The following IGSF21 variants were observed in gnomAD, a reference collection of about 807,000 sequenced individuals.
The protein encoded by IGSF21 is immunoglobulin superfamily member 21.
In IGSF21, 28 loss-of-function variants were observed where a neutral mutation model predicts 46.8. The ratio of observed to expected loss-of-function variants is 0.60; its 90% CI spans 0.44 to 0.82. The LOEUF (loss-of-function observed/expected upper bound fraction) is 0.82. Ranked by LOEUF, IGSF21 falls within the 40% of genes least tolerant of loss-of-function variation. The pLI, the probability that IGSF21 is intolerant of heterozygous loss-of-function variation, is 0.00. For synonymous variants in IGSF21, 284 were observed against 273.6 expected (o/e 1.04, Z -0.38); for missense variants, 624 against 665.5 (o/e 0.94, Z 0.69).
rs116280653 is a variant in IGSF21 at position 18,205,902 on chromosome 1, T to G, written c.71-21996T>G. On this transcript the variant is annotated intron_variant, in intron 1 of 9. Coordinates refer to ENST00000251296, the MANE Select transcript of IGSF21 (RefSeq NM_032880.5). Reference sequence around the variant, plus strand: ...AGAATGGTTGGGTTGATGTGTCATTTTCAAGAAGCAGTAGAAAGCACTTAA... The same window carrying G: ...AGAATGGTTGGGTTGATGTGTCATTGTCAAGAAGCAGTAGAAAGCACTTAA... Among the ~76,000 whole-genome samples the G allele has an allele frequency of 2.4e-3, 361 of 152,332 alleles. 2 individuals are homozygous for G. Among genetic ancestry groups the G allele is most frequent in the African/African-American group, 8.0e-3 (332 of 41,572 alleles).
At position 18,348,537 on chromosome 1, in the gene IGSF21, TC is replaced by T. The variant is rs1394903801; in HGVS notation, c.424+13530del. On this transcript the variant is annotated intron_variant, in intron 4 of 9. Coordinates refer to ENST00000251296, the MANE Select transcript of IGSF21 (RefSeq NM_032880.5). ...GCTCCAGCAGAAGGTAAACTTCCCCTCCCTGGAACAGGCCCTTTAATTACTA... is the reference window on the plus strand; with the variant it reads ...GCTCCAGCAGAAGGTAAACTTCCCCTCCTGGAACAGGCCCTTTAATTACTA... Among the ~76,000 whole-genome samples the T allele has an allele frequency of 4.6e-5, 7 of 152,310 alleles. No homozygotes were observed. The East Asian group carries it at 1.4e-3, about 29-fold the overall frequency.
intron 1 of IGSF21, among the ~76,000 whole-genome samples, chr1:18,129,727 G>T (rs1028800662): frequency 6.6e-6 from 1 of 152,172 alleles, no homozygotes; most frequent in Non-Finnish European, 1.5e-5. Context: ...GTTGTGATTT[G>T]AATGTCTGTC....
intron 2 of IGSF21, among the ~76,000 whole-genome samples, chr1:18,280,099 G>T (rs1278533718): frequency 6.6e-6 from 1 of 152,192 alleles, no homozygotes; most frequent in Non-Finnish European, 1.5e-5. Flanking sequence ...GGCAGCCCGG[G>T]GGGTGACACG....
At chr1:18,253,430 C>T (rs1253133099) in intron 2 of IGSF21, among the ~76,000 whole-genome samples, 1 of 152,230 alleles carries the variant, frequency 6.6e-6, no homozygotes, top group Non-Finnish European at 1.5e-5. Flanking sequence ...TGGGCCACAG[C>T]CCATCAGCCT....
chr1:18,187,882 C>T (rs76744588), intron 1 of IGSF21, among the ~76,000 whole-genome samples: 2,229 of 152,112 alleles, frequency 0.015, 50 homozygotes, highest in African/African-American at 0.05. Flanking sequence ...TGGTAGTAAG[C>T]GGACACTCAG....
intron 1 of IGSF21, among the ~76,000 whole-genome samples, chr1:18,169,070 A>G (rs2124455832): frequency 6.6e-6 from 1 of 152,338 alleles, no homozygotes. Context: ...CTCACCTAGG[A>G]GCACCCACTT....
chr1:18,360,883 C>T (rs1328496363), intron 4 of IGSF21, among the ~76,000 whole-genome samples: 1 of 152,186 alleles, frequency 6.6e-6, no homozygotes, highest in Non-Finnish European at 1.5e-5. Context: ...GTTTTGGTGA[C>T]TTGCCCAAGC....
At chr1:18,330,801 G>C (rs958269057) in intron 3 of IGSF21, among the ~76,000 whole-genome samples, 1 of 152,152 alleles carries the variant, frequency 6.6e-6, no homozygotes, top group African/African-American at 2.4e-5. Flanking sequence ...GCAGCTTAAG[G>C]TTCACAGCAA....
chr1:18,262,929 G>A (rs2084959262), intron 2 of IGSF21, among the ~76,000 whole-genome samples: 1 of 152,226 alleles, frequency 6.6e-6, no homozygotes, highest in South Asian at 2.1e-4. Flanking sequence ...GGAATGGAAT[G>A]CATTGGCCGC....
chr1:18,191,133 C>A (rs1239863983), intron 1 of IGSF21, among the ~76,000 whole-genome samples: 1 of 152,180 alleles, frequency 6.6e-6, no homozygotes, highest in East Asian at 1.9e-4. Context: ...TCAGTGGCCC[C>A]CTCACCCATT....
At chr1:18,267,707 T>G (rs1569675613) in intron 2 of IGSF21, among the ~76,000 whole-genome samples, 2 of 152,326 alleles carry the variant, frequency 1.3e-5, no homozygotes, top group Middle Eastern at 3.4e-3. Context: ...GCTGCTTTCC[T>G]TGGACCATGC....
intron 1 of IGSF21, among the ~76,000 whole-genome samples, chr1:18,189,913 C>T (rs2086938580): frequency 6.6e-6 from 1 of 152,172 alleles, no homozygotes; most frequent in Admixed American, 6.5e-5. Context: ...TTTGGTTGGC[C>T]CAACCAATGC....
intron 9 of IGSF21, 58 bp downstream of exon 9, chr1:18,377,489 A>G (rs1232042113): frequency 2.1e-6 from 3 of 1,413,400 alleles, no homozygotes; most frequent in East Asian, 2.3e-5. Context: ...GAGGCGCCAG[A>G]AAGCTCTGGT....
At position 18,378,280 on chromosome 1, in the gene IGSF21, G is replaced by C. The variant is rs1321950153; in HGVS notation, c.1358G>C (p.Arg453Pro). Residue 453 changes from arginine (R) to proline (P), a missense_variant, in exon 10 of 10, where the codon CGG becomes CCG. Arg to Pro is a moderately radical substitution (Grantham distance 103). Transcript: ENST00000251296. ...GGTTCCATTGGCCCCACTGGTGCCC[G>C]GCTCACCTTGGTGCTCGCCCTGACA... ...SNGSIGPTGA[R>P]LTLVLALTVI... The C allele has an allele frequency of 8.7e-6, 14 of 1,613,860 alleles. No individual in the cohort carries two copies. Among genetic ancestry groups the C allele is most frequent in the Non-Finnish European group, 1.2e-5 (14 of 1,179,966 alleles).
intron 2 of IGSF21, among the ~76,000 whole-genome samples, chr1:18,283,936 C>A (rs2085187591): frequency 6.6e-6 from 1 of 152,168 alleles, no homozygotes; most frequent in African/African-American, 2.4e-5. Flanking sequence ...CTTCTAAGTA[C>A]CAGACTCCGT....
At chr1:18,166,335 C>G (rs962437265) in intron 1 of IGSF21, among the ~76,000 whole-genome samples, 2 of 152,078 alleles carry the variant, frequency 1.3e-5, no homozygotes, top group African/African-American at 4.8e-5. Flanking sequence ...GCCTGGTTTC[C>G]CCTAATTTGT....
At chr1:18,156,055 G>T (rs983992731) in intron 1 of IGSF21, among the ~76,000 whole-genome samples, 4 of 152,198 alleles carry the variant, frequency 2.6e-5, no homozygotes, top group Non-Finnish European at 5.9e-5. Flanking sequence ...AGCTAATCCC[G>T]GTAAGTGGGC....
intron 1 of IGSF21, among the ~76,000 whole-genome samples, chr1:18,200,316 C>G (rs2087058756): frequency 1.3e-5 from 2 of 152,218 alleles, no homozygotes; most frequent in Admixed American, 6.5e-5. Context: ...CCCTTTGCTT[C>G]CTACCTGAAT....
In IGSF21 at chr1:18,109,417, A is replaced by G. The variant is rs1170623643; in HGVS notation, c.70+1219A>G. On this transcript the variant is annotated intron_variant, in intron 1 of 9. Transcript: ENST00000251296. The surrounding 1 kb of genome is among the most constrained non-coding windows in gnomAD (Gnocchi z 4.8). ...CAATAAGGTCTCGACCCCGAGCCCCACTGGATGATAGAGGTGGGCATCACC... is the reference window on the plus strand; with the variant it reads ...CAATAAGGTCTCGACCCCGAGCCCCGCTGGATGATAGAGGTGGGCATCACC... 1 of 152,134 alleles carries G rather than the reference A, an allele frequency of 6.6e-6. No individual in the cohort carries two copies. The highest frequency in any genetic ancestry group is 1.5e-5 in the Non-Finnish European group (1 of 68,042). 9.4% of individuals were successfully genotyped at this position (152,134 alleles called of 1,614,324 possible).
Sources: allele counts gnomAD v4.1 joint callset (sites outside exome capture counted in the v4.1 genomes callset), GRCh38; gene constraint gnomAD v4.1.1; non-coding constraint Gnocchi (gnomAD v3.1); transcripts MANE v1.5; gene names NCBI Gene and HGNC (gene_info 2026-07-23, HGNC 2026-07-21).